Variants in NAALADL2 observed in about 807,000 individuals in gnomAD.
The protein encoded by NAALADL2 is N-acetylated alpha-linked acidic dipeptidase like 2.
In NAALADL2, 76 loss-of-function variants were observed where a neutral mutation model predicts 87.2. The ratio of observed to expected loss-of-function variants is 0.87; its 90% CI spans 0.72 to 1.05. The LOEUF (loss-of-function observed/expected upper bound fraction) is 1.05. Ranked by LOEUF, NAALADL2 falls within the 50% of genes least tolerant of loss-of-function variation. The pLI is 0.00. For synonymous variants in NAALADL2, 354 were observed against 331.0 expected (o/e 1.07, Z -0.75); for missense variants, 1,089 against 945.8 (o/e 1.15, Z -1.99).
chr3:175,688,648 G>T (rs766212464), intron 11 of NAALADL2, among the ~76,000 whole-genome samples: 18 of 152,248 alleles, frequency 1.2e-4, no homozygotes, highest in Middle Eastern at 3.4e-3. Context: ...CAAACAAAAG[G>T]CTCAGGCAGT....
At chr3:174,864,060 T>C (rs1356212636) in intron 1 of NAALADL2, 1 of 455,610 alleles carries the variant, frequency 2.2e-6, no homozygotes, top group South Asian at 1.6e-5. Context: ...GCAAAGAAAG[T>C]TGCTGAAAAT....
At chr3:175,547,910 G>T (rs1176954341) in intron 9 of NAALADL2, among the ~76,000 whole-genome samples, 1 of 152,090 alleles carries the variant, frequency 6.6e-6, no homozygotes, top group African/African-American at 2.4e-5. Flanking sequence ...ACCAGATGCT[G>T]GTGAGGTTGT....
intron 12 of NAALADL2, among the ~76,000 whole-genome samples, chr3:175,747,106 T>G (rs758280402): frequency 4.6e-5 from 7 of 152,242 alleles, no homozygotes; most frequent in Non-Finnish European, 1.0e-4. Flanking sequence ...CTCCCCATTG[T>G]CAGAGTATGT....
intron 5 of NAALADL2, among the ~76,000 whole-genome samples, chr3:175,423,028 A>AAAAT (rs1438736874): frequency 1.5e-4 from 17 of 111,304 alleles, no homozygotes; most frequent in African/African-American, 5.7e-4. Flanking sequence ...GAAAAAAAAA[A>AAAAT]ATATATATAT....
intron 11 of NAALADL2, among the ~76,000 whole-genome samples, chr3:175,656,739 A>ATG (rs1038176947): frequency 6.8e-5 from 10 of 146,050 alleles, no homozygotes; most frequent in Admixed American, 3.5e-4. Flanking sequence ...GTGTGTGTGT[A>ATG]TGTGTGTGTG....
rs181277687 is a variant in NAALADL2, at chr3:175,711,211, C to T, written c.1897-26095C>T. The stretch of plus-strand genomic sequence containing the variant: ...ATATATATTATTTTAATTAAGGGTG[C>T]TTGAAATTCTATATGGCTTTCTTTG... On this transcript the variant is annotated intron_variant, in intron 11 of 13. Transcript: ENST00000454872. 1.1e-3 allele frequency among the ~76,000 whole-genome samples: 170 copies of T among 151,790 alleles called. 5 individuals are homozygous for T. In the East Asian group the frequency reaches 0.031, roughly 28 times the overall value.
intron 13 of NAALADL2, among the ~76,000 whole-genome samples, chr3:175,789,665 T>G (rs3114972): frequency 0.29 from 44,733 of 151,972 alleles, 7,610 homozygotes; most frequent in African/African-American, 0.47. Context: ...TATTCTTCTC[T>G]ATTTAGGGCC....
At chr3:175,781,035 T>C (rs1174580703) in intron 13 of NAALADL2, among the ~76,000 whole-genome samples, 2 of 152,200 alleles carry the variant, frequency 1.3e-5, no homozygotes, top group African/African-American at 4.8e-5. Flanking sequence ...AGTAATATTT[T>C]TACTTTGAAA....
At chr3:174,777,173 TG>T (rs1440494964) in intron 3 of NAALADL2, among the ~76,000 whole-genome samples, 3 of 152,102 alleles carry the variant, frequency 2.0e-5, no homozygotes, top group African/African-American at 7.2e-5. Context: ...TCACCTTGTA[TG>T]GAATTCCTCT....
At chr3:175,038,828 A>G (rs561735897) in intron 1 of NAALADL2, among the ~76,000 whole-genome samples, 1 of 152,036 alleles carries the variant, frequency 6.6e-6, no homozygotes, top group East Asian at 1.9e-4. Flanking sequence ...CAAATAATTT[A>G]TCGTGCAAAC....
chr3:175,357,689 G>A (rs148989671), intron 5 of NAALADL2, among the ~76,000 whole-genome samples: 90 of 152,204 alleles, frequency 5.9e-4, no homozygotes, highest in African/African-American at 2.0e-3. Context: ...ATATGTCAGA[G>A]GCAAAGAAAT....
rs1582899411 is a variant in NAALADL2 at position 175,689,180 on chromosome 3, C to T, written c.1897-48126C>T. 2.0e-5 allele frequency among the ~76,000 whole-genome samples: 3 copies of T among 152,068 alleles called. 1 individual carries two copies. The Middle Eastern group carries it at 0.01, about 517-fold the overall frequency. On this transcript the variant is annotated intron_variant, in intron 11 of 13. Transcript: ENST00000454872. Reference sequence around the variant, plus strand: ...TAGAAGACAAAAGAATAAATTAGCACAAGTGAATATAAAAAATTAATGCAA... The same window carrying T: ...TAGAAGACAAAAGAATAAATTAGCATAAGTGAATATAAAAAATTAATGCAA...
At chr3:174,600,800 C>T (rs1461326533) in intron 2 of NAALADL2, among the ~76,000 whole-genome samples, 2 of 152,026 alleles carry the variant, frequency 1.3e-5, no homozygotes, top group African/African-American at 4.8e-5. Flanking sequence ...TTTTAAACAA[C>T]CAGATCTCCT....
At position 175,096,931 on chromosome 3, in the gene NAALADL2, AC is replaced by A; in HGVS notation, c.187del (p.Gln63AsnfsTer4). On this transcript the variant is annotated frameshift_variant, in exon 2 of 14. Transcript: ENST00000454872. LOFTEE classifies it high-confidence loss of function. Reference protein sequence around the residue: ...MEKELEESGFDQFQLDGAENQ... With the variant: ...MEKELEESGFXQFQLDGAENQ... The stretch of plus-strand genomic sequence containing the variant: ...AAGGAACTAGAGGAGTCTGGTTTTG[AC>A]CAATTCCAGCTAGACGGTGCTGAGA... 1 of 1,613,376 alleles carries A rather than the reference AC, an allele frequency of 6.2e-7. No individual in the cohort carries two copies. The highest frequency in any genetic ancestry group is 1.1e-5 in the South Asian group (1 of 91,058).
At chr3:175,305,305 C>T (rs1296759679) in intron 4 of NAALADL2, among the ~76,000 whole-genome samples, 2 of 151,062 alleles carry the variant, frequency 1.3e-5, no homozygotes, top group African/African-American at 2.4e-5. Flanking sequence ...CTCCAAGGAA[C>T]GTAATTCTCT....
At chr3:174,981,491 A>G (rs1560438178) in intron 1 of NAALADL2, among the ~76,000 whole-genome samples, 3 of 152,202 alleles carry the variant, frequency 2.0e-5, no homozygotes, top group Non-Finnish European at 4.4e-5. Flanking sequence ...CTATTTCTTC[A>G]AAGAGAAACC....
chr3:175,462,678 G>A (rs1422445778), intron 6 of NAALADL2, among the ~76,000 whole-genome samples: 1 of 152,012 alleles, frequency 6.6e-6, no homozygotes, highest in Non-Finnish European at 1.5e-5. Flanking sequence ...ATCAAATACG[G>A]GATTAACACA....
chr3:175,119,408 G>T (rs957099791), intron 2 of NAALADL2, among the ~76,000 whole-genome samples: 3 of 151,450 alleles, frequency 2.0e-5, no homozygotes, highest in African/African-American at 7.3e-5. Context: ...ATGGTCTAAA[G>T]GTACAGAGTT....
intron 4 of NAALADL2, among the ~76,000 whole-genome samples, chr3:175,273,564 T>G (rs756515815): frequency 6.6e-6 from 1 of 152,108 alleles, no homozygotes; most frequent in Non-Finnish European, 1.5e-5. Context: ...TACTAGAAAT[T>G]AAATACTTAA....
Sources: allele counts gnomAD v4.1 joint callset (sites outside exome capture counted in the v4.1 genomes callset), GRCh38; gene constraint gnomAD v4.1.1; transcripts MANE v1.5; gene names NCBI Gene and HGNC (gene_info 2026-07-23, HGNC 2026-07-21).